Variants in PRKAR1A observed in about 807,000 individuals in gnomAD.
The protein encoded by PRKAR1A is cAMP-dependent protein kinase type I-alpha regulatory subunit.
PRKAR1A carries 3 observed loss-of-function variants against 52.0 expected under a neutral mutation model. The observed-to-expected ratio is 0.06, with a 90% CI of 0.03 to 0.15. The LOEUF (loss-of-function observed/expected upper bound fraction) is 0.15. Ranked by LOEUF, PRKAR1A falls within the 10% of genes least tolerant of loss-of-function variation. The pLI is 1.00. For synonymous variants in PRKAR1A, 188 were observed against 168.4 expected (o/e 1.12, Z -0.90); for missense variants, 240 against 477.4 (o/e 0.50, Z 4.63).
intron 1 of PRKAR1A, among the ~76,000 whole-genome samples, chr17:68,513,622 C>G (rs1331249082): frequency 6.6e-6 from 1 of 152,062 alleles, no homozygotes; most frequent in Admixed American, 6.6e-5. Flanking sequence ...GGTTGTTGGG[C>G]TTTACAAATA....
At chr17:68,418,015 C>A in the PRKAR1A span, among the ~76,000 whole-genome samples, 2 of 152,058 alleles carry the variant, frequency 1.3e-5, no homozygotes, top group Admixed American at 6.6e-5. Context: ...CAGGCGTGAG[C>A]CACCACACCC....
the PRKAR1A span, among the ~76,000 whole-genome samples, chr17:68,433,760 G>GTTTTTTTTTTTTTTT: frequency 1.1e-4 from 8 of 72,822 alleles, 1 homozygote; most frequent in African/African-American, 4.6e-4. Flanking sequence ...AAGGGTCATA[G>GTTTTTTTTTTTTTTT]TTTTTTTTTT....
the PRKAR1A span, among the ~76,000 whole-genome samples, chr17:68,500,168 C>T: frequency 2.6e-5 from 4 of 152,304 alleles, no homozygotes; most frequent in Middle Eastern, 3.4e-3. Flanking sequence ...CAATTGGAAA[C>T]AGTTCTCAAA....
chr17:68,426,597 A>T, the PRKAR1A span, among the ~76,000 whole-genome samples: 2 of 152,156 alleles, frequency 1.3e-5, no homozygotes, highest in African/African-American at 4.8e-5. Context: ...CAGTGGTATG[A>T]TCTCAGCTCA....
the PRKAR1A span, among the ~76,000 whole-genome samples, chr17:68,417,765 T>TTTTTTATTG: frequency 8.4e-6 from 1 of 118,770 alleles, no homozygotes. Flanking sequence ...TTTTTTTTTT[T>TTTTTTATTG]GAGATGGAGT....
upstream of PRKAR1A, among the ~76,000 whole-genome samples, chr17:68,508,117 T>C (rs2085220388): frequency 6.6e-6 from 1 of 152,202 alleles, no homozygotes; most frequent in African/African-American, 2.4e-5. Flanking sequence ...TGCCTTGGAC[T>C]TGAGACTGCA....
chr17:68,450,733 G>T, the PRKAR1A span: 2 of 1,607,026 alleles, frequency 1.2e-6, no homozygotes, highest in South Asian at 1.1e-5. Context: ...CTTACTTGCC[G>T]GTTCAGCCTT....
the PRKAR1A span, chr17:68,436,235 T>C: frequency 1.1e-5 from 8 of 704,440 alleles, no homozygotes; most frequent in Non-Finnish European, 2.0e-5. Context: ...CGAGGGGAAA[T>C]AGTATCACCT....
chr17:68,512,805 C>G (rs1483311625), intron 1 of PRKAR1A: 1 of 152,126 alleles, frequency 6.6e-6, no homozygotes, highest in Non-Finnish European at 1.5e-5. Flanking sequence ...GCTCGCTGCC[C>G]CCACCCCACG....
intron 11 of PRKAR1A, among the ~76,000 whole-genome samples, chr17:68,547,620 G>A (rs1034029295): frequency 1.1e-4 from 17 of 152,328 alleles, no homozygotes; most frequent in South Asian, 2.1e-4. Context: ...TATCTTCCAA[G>A]TTTTCTTCTG....
At chr17:68,478,727 A>C in the PRKAR1A span, among the ~76,000 whole-genome samples, 2 of 104,626 alleles carry the variant, frequency 1.9e-5, no homozygotes, top group African/African-American at 8.7e-5. Flanking sequence ...TATGTTGGAC[A>C]GTTTTGTTTT....
the PRKAR1A span, among the ~76,000 whole-genome samples, chr17:68,438,220 C>T: frequency 4.0e-5 from 6 of 150,880 alleles, no homozygotes; most frequent in South Asian, 4.2e-4. Flanking sequence ...GGCTGAGCCC[C>T]GGAACCTTTA....
At chr17:68,441,057 G>C in the PRKAR1A span, 1 of 152,182 alleles carries the variant, frequency 6.6e-6, no homozygotes, top group East Asian at 1.9e-4. Flanking sequence ...GTGTGGTATG[G>C]AACGCTCCCT....
chr17:68,418,493 G>A, the PRKAR1A span, among the ~76,000 whole-genome samples: 1 of 152,072 alleles, frequency 6.6e-6, no homozygotes, highest in African/African-American at 2.4e-5. Flanking sequence ...AGCCACAGGT[G>A]GAAAACCAGT....
At chr17:68,473,555 C>G in the PRKAR1A span, among the ~76,000 whole-genome samples, 2 of 152,202 alleles carry the variant, frequency 1.3e-5, no homozygotes, top group Non-Finnish European at 2.9e-5. Flanking sequence ...CAGAGTCTCA[C>G]TCTGTCGCCC....
the PRKAR1A span, among the ~76,000 whole-genome samples, chr17:68,485,831 T>G: frequency 6.6e-6 from 1 of 152,048 alleles, no homozygotes; most frequent in Non-Finnish European, 1.5e-5. Context: ...CTCCACCCCC[T>G]GGGTTAAAGC....
the PRKAR1A span, among the ~76,000 whole-genome samples, chr17:68,486,519 T>TCCTTCCTTCCTTCCTTCCTTCCC: frequency 2.7e-5 from 2 of 75,238 alleles, no homozygotes; most frequent in African/African-American, 4.9e-5. Context: ...CTTTCTTTCT[T>TCCTTCCTTCCTTCCTTCCTTCCC]TCTTTCTTTC....
chr17:68,443,901 T>C, the PRKAR1A span, among the ~76,000 whole-genome samples: 4 of 152,250 alleles, frequency 2.6e-5, no homozygotes, highest in African/African-American at 9.6e-5. Context: ...TGAATTCATA[T>C]AATGTCATCT....
rs529854620 is a variant in PRKAR1A at position 68,542,059 on chromosome 17, C to T, written c.974-9025C>T. ...ACAGCCTGGGGGCCAGGTTGAGGGACGGCAGGAAGGCAGAGAGGGAACCCT... is the reference window on the plus strand; with the variant it reads ...ACAGCCTGGGGGCCAGGTTGAGGGATGGCAGGAAGGCAGAGAGGGAACCCT... On this transcript the variant is annotated intron_variant, in intron 11 of 11. Coordinates refer to the PRKAR1A transcript ENST00000585981. 136 of 1,614,078 alleles carry T rather than the reference C, an allele frequency of 8.4e-5. No homozygotes were observed. The highest frequency in any genetic ancestry group is 9.3e-5 in the African/African-American group (7 of 75,018).
Sources: allele counts gnomAD v4.1 joint callset (sites outside exome capture counted in the v4.1 genomes callset), GRCh38; gene constraint gnomAD v4.1.1; transcripts MANE v1.5; gene names NCBI Gene and HGNC (gene_info 2026-07-23, HGNC 2026-07-21).